Variants in CELF1 observed in about 807,000 individuals in gnomAD.
CELF1 encodes 50 kDa nuclear polyadenylated RNA-binding protein.
In CELF1, 10 loss-of-function variants were observed where a neutral mutation model predicts 61.8. The observed-to-expected ratio is 0.16, with a 90% CI of 0.10 to 0.27. The LOEUF (loss-of-function observed/expected upper bound fraction) is 0.27. Ranked by LOEUF, CELF1 falls within the 10% of genes least tolerant of loss-of-function variation. The pLI is 1.00. For missense variants in CELF1, 380 were observed against 639.1 expected, an observed-to-expected ratio of 0.59 and a Z score of 4.37; for synonymous variants, 236 against 225.1, an observed-to-expected ratio of 1.05 and a Z score of -0.43.
At chr11:47,485,955 A>G (rs1330249031) in intron 6 of CELF1, among the ~76,000 whole-genome samples, 2 of 147,934 alleles carry the variant, frequency 1.4e-5, no homozygotes, top group Non-Finnish European at 3.0e-5. Context: ...AGGTCAGGAG[A>G]TCGAGACCAT....
chr11:47,492,183 T>TAGAGGGTCTC, intron 3 of CELF1, among the ~76,000 whole-genome samples: 1 of 152,070 alleles, frequency 6.6e-6, no homozygotes, highest in Non-Finnish European at 1.5e-5. Flanking sequence ...TCTCACTATG[T>TAGAGGGTCTC]TGCAAGGGCT....
At chr11:47,486,316 T>C (rs1390706961) in intron 6 of CELF1, among the ~76,000 whole-genome samples, 1 of 151,982 alleles carries the variant, frequency 6.6e-6, no homozygotes, top group Non-Finnish European at 1.5e-5. Flanking sequence ...TTCTTCATCA[T>C]ACTTTTAAAG....
intron 1 of CELF1, among the ~76,000 whole-genome samples, chr11:47,547,656 C>T (rs1015148808): frequency 2.0e-4 from 26 of 129,086 alleles, no homozygotes; most frequent in Admixed American, 5.5e-4. Flanking sequence ...GCGACAAGAG[C>T]GAAACTCCAT....
intron 1 of CELF1, among the ~76,000 whole-genome samples, chr11:47,536,664 C>G (rs1366600461): frequency 1.3e-5 from 2 of 152,124 alleles, no homozygotes; most frequent in African/African-American, 2.4e-5. Context: ...ACTCAGAAGG[C>G]TGAGGCAGTT....
At chr11:47,487,100 A>G (rs1042698695) in intron 5 of CELF1, 59 bp downstream of exon 5, 128 of 1,275,988 alleles carry the variant, frequency 1.0e-4, no homozygotes, top group Non-Finnish European at 1.3e-4. Flanking sequence ...TGATATGTGT[A>G]AGTATATCCC....
chr11:47,536,933 C>A (rs1278879277), intron 1 of CELF1, among the ~76,000 whole-genome samples: 1 of 152,100 alleles, frequency 6.6e-6, no homozygotes, highest in Non-Finnish European at 1.5e-5. Context: ...ATAGTTTTGG[C>A]ACATGAGTTT....
chr11:47,561,808 T>C (rs2097226488), intron 2 of CELF1, among the ~76,000 whole-genome samples: 1 of 152,146 alleles, frequency 6.6e-6, no homozygotes, highest in South Asian at 2.1e-4. Flanking sequence ...ATGTGGTCTG[T>C]CCATACATTG....
chr11:47,473,404 A>C (rs1179949556), intron 13 of CELF1, among the ~76,000 whole-genome samples, 173 bp from the exon 14 acceptor site: 1 of 152,236 alleles, frequency 6.6e-6, no homozygotes. Flanking sequence ...AAAGGCAAAC[A>C]TTAAAACAGA....
chr11:47,484,279 C>T, intron 7 of CELF1, 110 bp downstream of exon 7: 1 of 1,183,858 alleles, frequency 8.4e-7, no homozygotes, highest in Non-Finnish European at 1.2e-6. Flanking sequence ...GGCACCACTG[C>T]ACTCCAGCCT....
chr11:47,484,969 C>T (rs1363636860), intron 6 of CELF1, among the ~76,000 whole-genome samples: 1 of 152,166 alleles, frequency 6.6e-6, no homozygotes, highest in Non-Finnish European at 1.5e-5. Context: ...TGACCCACCA[C>T]GCCCGGCTTC....
intron 3 of CELF1, among the ~76,000 whole-genome samples, chr11:47,492,364 C>T (rs111524619): frequency 2.6e-5 from 4 of 152,172 alleles, no homozygotes; most frequent in African/African-American, 9.6e-5. Flanking sequence ...CAGGTCATGG[C>T]AAAAACATAA....
At chr11:47,533,638 A>ACATACATG in intron 1 of CELF1, among the ~76,000 whole-genome samples, 1 of 150,350 alleles carries the variant, frequency 6.7e-6, no homozygotes, top group South Asian at 2.1e-4. Flanking sequence ...ATAAATAAAT[A>ACATACATG]CATACATACA....
chr11:47,522,110 T>C (rs1447344376), intron 1 of CELF1, among the ~76,000 whole-genome samples: 2 of 151,934 alleles, frequency 1.3e-5, no homozygotes, highest in Non-Finnish European at 2.9e-5. Flanking sequence ...ACGGGGTTTC[T>C]CCATGTTGGT....
At chr11:47,489,935 G>GGTTTTTTTTTTTTTTTTT (rs1555170254) in intron 3 of CELF1, among the ~76,000 whole-genome samples, 3 of 48,226 alleles carry the variant, frequency 6.2e-5, no homozygotes, top group East Asian at 1.2e-3. Context: ...ATACCATCTT[G>GGTTTTTTTTTTTTTTTTT]TTTTTTTTTT....
upstream of CELF1, among the ~76,000 whole-genome samples, chr11:47,556,050 C>T (rs939273799): frequency 7.3e-5 from 11 of 150,878 alleles, no homozygotes; most frequent in Admixed American, 5.9e-4. Flanking sequence ...AGAGAAATAG[C>T]CTTCTCCAAG....
intron 1 of CELF1, among the ~76,000 whole-genome samples, chr11:47,511,543 T>C (rs960219386): frequency 2.6e-5 from 4 of 152,224 alleles, no homozygotes; most frequent in African/African-American, 9.6e-5. Context: ...CATTTAAAGT[T>C]TGTAAACCCT....
At chr11:47,537,813 T>C (rs1265630844) in intron 1 of CELF1, among the ~76,000 whole-genome samples, 1 of 152,212 alleles carries the variant, frequency 6.6e-6, no homozygotes, top group African/African-American at 2.4e-5. Flanking sequence ...CCAGTACTTA[T>C]GTAACACTAT....
At chr11:47,514,296 A>C (rs1466321302) in intron 1 of CELF1, among the ~76,000 whole-genome samples, 2 of 152,072 alleles carry the variant, frequency 1.3e-5, no homozygotes, top group Non-Finnish European at 2.9e-5. Flanking sequence ...TTTTGCACCT[A>C]ACAATGATAA....
At chr11:47,500,644 G>A (rs2093780111) in intron 2 of CELF1, among the ~76,000 whole-genome samples, 1 of 152,176 alleles carries the variant, frequency 6.6e-6, no homozygotes, top group Non-Finnish European at 1.5e-5. Flanking sequence ...AGACTAGTGA[G>A]TGCACACATA....
Sources: gnomAD v4.1 joint callset for allele counts (sites outside exome capture counted in the v4.1 genomes callset) on GRCh38, gnomAD v4.1.1 for gene constraint, MANE v1.5 for transcripts, NCBI Gene and HGNC (gene_info 2026-07-23, HGNC 2026-07-21) for gene names.